Variants in USP28 observed in about 807,000 individuals in gnomAD.
The protein encoded by USP28 is ubiquitin specific peptidase 28.
USP28 carries 113 observed loss-of-function variants against 145.0 expected under a neutral mutation model. The ratio of observed to expected loss-of-function variants is 0.78; its 90% CI spans 0.67 to 0.91. The LOEUF is 0.91. USP28 is among the 40% of genes least tolerant of loss of function. The probability of loss-of-function intolerance (pLI) is 0.00; values close to 1 mark genes in which losing one functional copy is unlikely to be tolerated. For missense variants in USP28, 1,201 were observed against 1,289.6 expected, an observed-to-expected ratio of 0.93 and a Z score of 1.05; for synonymous variants, 447 against 450.9, an observed-to-expected ratio of 0.99 and a Z score of 0.11.
chr11:113,812,163 T>C (rs1941086033), intron 16 of USP28, 113 bp downstream of exon 16: 1 of 670,990 alleles, frequency 1.5e-6, no homozygotes, highest in African/African-American at 1.8e-5. Flanking sequence ...TTTTTAAATC[T>C]ATTATTATAT....
exon 12 of USP28, chr11:113,823,658 C>T: frequency 6.2e-7 from 1 of 1,612,528 alleles, no homozygotes; most frequent in Non-Finnish European, 8.5e-7. Context: ...TTCGAATACA[C>T]TCTCTCTTAT....
intron 8 of USP28, among the ~76,000 whole-genome samples, 168 bp downstream of exon 8, chr11:113,831,752 A>G (rs1397927495): frequency 1.3e-5 from 2 of 151,842 alleles, no homozygotes; most frequent in Admixed American, 6.6e-5. Flanking sequence ...CTCAGAGGGG[A>G]AAGCTGAAGG....
At chr11:113,806,376 T>C in intron 19 of USP28, 113 bp downstream of exon 20, 2 of 833,894 alleles carry the variant, frequency 2.4e-6, no homozygotes, top group Non-Finnish European at 3.8e-6. Flanking sequence ...TGGGACTACA[T>C]GCACACACCA....
chr11:113,854,209 T>C (rs988826153), intron 2 of USP28, 49 bp downstream of exon 2: 4 of 1,521,492 alleles, frequency 2.6e-6, no homozygotes, highest in South Asian at 2.3e-5. Context: ...AACTATAATA[T>C]AGACAGCTGC....
chr11:113,807,227 C>T (rs1382334639), intron 18 of USP28, among the ~76,000 whole-genome samples: 1 of 152,116 alleles, frequency 6.6e-6, no homozygotes, highest in Non-Finnish European at 1.5e-5. Context: ...TGTATGCCAC[C>T]ATGCCCAGCT....
intron 1 of USP28, among the ~76,000 whole-genome samples, chr11:113,861,466 G>C (rs933639907): frequency 6.6e-6 from 1 of 152,136 alleles, no homozygotes; most frequent in African/African-American, 2.4e-5. Context: ...ACCATTAAAA[G>C]TGTTTAAAAT....
At chr11:113,829,200 T>C in exon 10 of USP28, 7 of 1,613,644 alleles carry the variant, frequency 4.3e-6, no homozygotes, top group Non-Finnish European at 5.1e-6. Context: ...AACGTACCTC[T>C]TGTCCATACT....
exon 9 of USP28, chr11:113,830,894 T>C: frequency 6.2e-7 from 1 of 1,614,100 alleles, no homozygotes; most frequent in Non-Finnish European, 8.5e-7. Context: ...GTCAGGAAAG[T>C]ACCATAGAAC....
At chr11:113,813,493 C>T (rs2023642) in intron 15 of USP28, among the ~76,000 whole-genome samples, 1 of 151,990 alleles carries the variant, frequency 6.6e-6, no homozygotes, top group African/African-American at 2.4e-5. Context: ...AAAGCTTGAA[C>T]GCATGTTGTT....
intron 14 of USP28, among the ~76,000 whole-genome samples, chr11:113,814,261 G>T (rs555447814): frequency 6.6e-6 from 1 of 152,104 alleles, no homozygotes; most frequent in African/African-American, 2.4e-5. Context: ...CCTCAGACAG[G>T]ATCTGAAATG....
intron 1 of USP28, among the ~76,000 whole-genome samples, chr11:113,868,925 C>CA (rs58107096): frequency 0.018 from 1,362 of 77,734 alleles, 16 homozygotes; most frequent in African/African-American, 0.04. Context: ...GACCATGTCT[C>CA]AAAAAAAAAA....
At chr11:113,847,280 C>T (rs1591393650) in intron 3 of USP28, among the ~76,000 whole-genome samples, 1 of 151,998 alleles carries the variant, frequency 6.6e-6, no homozygotes, top group Non-Finnish European at 1.5e-5. Flanking sequence ...ACAACACTAC[C>T]GATGACACAG....
chr11:113,875,381 C>T (rs1276480339), intron 1 of USP28, 64 bp downstream of exon 1: 3 of 1,159,000 alleles, frequency 2.6e-6, no homozygotes, highest in East Asian at 8.5e-5. Context: ...CCCTGCAGGC[C>T]CCGCACGCTC....
intron 1 of USP28, among the ~76,000 whole-genome samples, chr11:113,873,685 GT>G (rs1200014061): frequency 2.0e-5 from 3 of 152,144 alleles, no homozygotes; most frequent in Admixed American, 1.3e-4. Flanking sequence ...TTAAATCACT[GT>G]GCTAAAAACA....
chr11:113,847,274 C>T (rs1199590040), intron 3 of USP28, among the ~76,000 whole-genome samples: 4 of 152,082 alleles, frequency 2.6e-5, no homozygotes, highest in African/African-American at 4.8e-5. Flanking sequence ...ATATACACAA[C>T]ACTACCGATG....
At chr11:113,814,508 CCTAT>C in intron 14 of USP28, among the ~76,000 whole-genome samples, 1 of 152,164 alleles carries the variant, frequency 6.6e-6, no homozygotes, top group East Asian at 1.9e-4. Flanking sequence ...AAGCATGCTT[CCTAT>C]AGAAAAGACT....
intron 11 of USP28, among the ~76,000 whole-genome samples, chr11:113,825,903 G>A (rs1943229757): frequency 2.0e-5 from 3 of 152,150 alleles, no homozygotes; most frequent in Admixed American, 2.0e-4. Flanking sequence ...CCTACATATT[G>A]ACTGTGATGG....
chr11:113,835,196 A>G, intron 5 of USP28: 1 of 434,414 alleles, frequency 2.3e-6, no homozygotes, highest in South Asian at 1.7e-5. Flanking sequence ...ACATTTTTCT[A>G]CTATGAATAC....
chr11:113,846,845 A>G (rs1248745515), intron 3 of USP28, among the ~76,000 whole-genome samples: 1 of 152,110 alleles, frequency 6.6e-6, no homozygotes, highest in Non-Finnish European at 1.5e-5. Flanking sequence ...AAACACAAAA[A>G]TTAGCTGGGT....
Sources: gnomAD v4.1 joint callset for allele counts (sites outside exome capture counted in the v4.1 genomes callset) on GRCh38, gnomAD v4.1.1 for gene constraint, MANE v1.5 for transcripts, NCBI Gene and HGNC (gene_info 2026-07-23, HGNC 2026-07-21) for gene names.